FAM53A: variants seen among roughly 807,000 people sequenced by gnomAD.
FAM53A encodes the protein protein FAM53A.
FAM53A carries 28 observed loss-of-function variants against 26.6 expected under a neutral mutation model. The ratio of observed to expected loss-of-function variants is 1.05; its 90% CI spans 0.78 to 1.45. The LOEUF (loss-of-function observed/expected upper bound fraction) is 1.45, where lower values mean the gene tolerates loss of function less well. Ranked by LOEUF, FAM53A falls within the 40% of genes most tolerant of loss-of-function variation. The pLI is 0.00. For synonymous variants in FAM53A, 290 were observed against 253.1 expected (o/e 1.15, Z -1.38); for missense variants, 650 against 575.8 (o/e 1.13, Z -1.32).
chr4:1,608,343 C>T, the FAM53A span, among the ~76,000 whole-genome samples: 1 of 152,168 alleles, frequency 6.6e-6, no homozygotes, highest in Non-Finnish European at 1.5e-5. Flanking sequence ...GAGAGAGCCC[C>T]GTCCTGGGTG....
chr4:1,674,971 A>G (rs1714942190), intron 1 of FAM53A, among the ~76,000 whole-genome samples: 1 of 152,238 alleles, frequency 6.6e-6, no homozygotes, highest in South Asian at 2.1e-4. Flanking sequence ...CGGAGCTGGG[A>G]AAGCCCAGAG....
At chr4:1,611,292 G>A in the FAM53A span, among the ~76,000 whole-genome samples, 1 of 152,124 alleles carries the variant, frequency 6.6e-6, no homozygotes, top group African/African-American at 2.4e-5. Flanking sequence ...TGGGCCCTGA[G>A]AGACACCCCT....
downstream of FAM53A, among the ~76,000 whole-genome samples, chr4:1,615,779 A>C (rs898723433): frequency 2.6e-5 from 4 of 152,372 alleles, no homozygotes; most frequent in Admixed American, 1.3e-4. Context: ...TCAAGGAGGC[A>C]AATGTGCAAA....
At chr4:1,598,936 G>T in the FAM53A span, among the ~76,000 whole-genome samples, 1 of 152,256 alleles carries the variant, frequency 6.6e-6, no homozygotes, top group Non-Finnish European at 1.5e-5. Flanking sequence ...GGGTTAATAT[G>T]CCTTAAAATA....
chr4:1,619,333 C>A (rs1243320417), intron 1 of FAM53A, among the ~76,000 whole-genome samples: 1 of 152,202 alleles, frequency 6.6e-6, no homozygotes, highest in Admixed American at 6.5e-5. Flanking sequence ...CGGCCAACGA[C>A]CCGGCCTCAC....
rs1331071741 is a variant in FAM53A at position 1,659,092 on chromosome 4, C to A, written c.76-1624G>T. 6.6e-6 allele frequency among the ~76,000 whole-genome samples: 1 copy of A among 152,228 alleles called. No individual in the cohort carries two copies. The highest frequency in any genetic ancestry group is 1.9e-4 in the East Asian group (1 of 5,198). On this transcript the variant is annotated intron_variant, in intron 2 of 4. Coordinates refer to ENST00000308132, the MANE Select transcript of FAM53A (RefSeq NM_001174070.3). The surrounding 1 kb of genome is among the most constrained non-coding windows in gnomAD (Gnocchi z 5.2). ...AAGTTAAAAGTTGGGTTTGTGACCC[C>A]GAAAAAAGACAGGCCGCCTACACAC...
At chr4:1,633,869 T>C (rs1715721107) in intron 1 of FAM53A, among the ~76,000 whole-genome samples, 1 of 151,654 alleles carries the variant, frequency 6.6e-6, no homozygotes, top group African/African-American at 2.4e-5. Context: ...TCTATATCCA[T>C]AACTGCAGGA....
chr4:1,684,945 G>A (rs1715718814), upstream of FAM53A, among the ~76,000 whole-genome samples: 1 of 152,158 alleles, frequency 6.6e-6, no homozygotes, highest in African/African-American at 2.4e-5. Context: ...GACTCTTGGG[G>A]GGTCCCTAGG....
intron 4 of FAM53A, chr4:1,644,206 C>T (rs1206628500): frequency 7.2e-6 from 11 of 1,535,874 alleles, no homozygotes; most frequent in Non-Finnish European, 8.7e-7. Flanking sequence ...GGCCAGGTTT[C>T]CTTCCATTTC....
the FAM53A span, among the ~76,000 whole-genome samples, chr4:1,597,372 T>A: frequency 2.0e-5 from 3 of 151,870 alleles, no homozygotes; most frequent in Non-Finnish European, 4.4e-5. Flanking sequence ...GACTGCCCCG[T>A]GCCCCCACGT....
At chr4:1,646,335 A>T (rs1478720189) in intron 4 of FAM53A, among the ~76,000 whole-genome samples, 7 of 149,882 alleles carry the variant, frequency 4.7e-5, no homozygotes, top group Admixed American at 2.0e-4. Flanking sequence ...TCCTGACCTC[A>T]TGATCTGCCC....
chr4:1,586,383 C>T, the FAM53A span, among the ~76,000 whole-genome samples: 43 of 151,896 alleles, frequency 2.8e-4, no homozygotes, highest in African/African-American at 7.2e-4. Context: ...TTAGTAGAGA[C>T]GGGGTTTCAT....
chr4:1,599,974 A>C, the FAM53A span, among the ~76,000 whole-genome samples: 1 of 147,352 alleles, frequency 6.8e-6, no homozygotes, highest in Non-Finnish European at 1.5e-5. This position sits in a 1 kb window ranked among gnomAD's most constrained non-coding sequence, Gnocchi z 6.1. Context: ...CCTTCCCCTG[A>C]TGCAGGCCCC....
chr4:1,608,155 CAG>C, the FAM53A span, among the ~76,000 whole-genome samples: 9 of 151,796 alleles, frequency 5.9e-5, no homozygotes, highest in Non-Finnish European at 8.8e-5. Flanking sequence ...TCCCAGGACA[CAG>C]AGAACAAAAC....
At chr4:1,665,997 G>A (rs1272980789) in intron 2 of FAM53A, among the ~76,000 whole-genome samples, 63 of 90,380 alleles carry the variant, frequency 7.0e-4, no homozygotes, top group African/African-American at 2.9e-3. Context: ...TGCACCCCCT[G>A]TATCTAAAAT....
At chr4:1,629,189 G>A (rs1715498674) in intron 1 of FAM53A, among the ~76,000 whole-genome samples, 1 of 152,030 alleles carries the variant, frequency 6.6e-6, no homozygotes, top group African/African-American at 2.4e-5. Flanking sequence ...ACCCATGGTG[G>A]AGGGAGCCCC....
chr4:1,658,924 T>C (rs35569554), intron 2 of FAM53A, among the ~76,000 whole-genome samples: 42,763 of 152,242 alleles, frequency 0.28, 6,581 homozygotes, highest in Middle Eastern at 0.47. Flanking sequence ...CTCTGCTTTT[T>C]TGCCTTAGAG....
Position 1,630,398 on chromosome 4 carries a change from G to A in FAM53A, c.432-12287C>T, listed in dbSNP as rs908222065. Among the ~76,000 whole-genome samples the A allele has an allele frequency of 6.6e-6, 1 of 152,244 alleles. No homozygotes were observed. Among genetic ancestry groups the A allele is most frequent in the African/African-American group, 2.4e-5 (1 of 41,450 alleles). ...CAAGGTCTACACAAATGCACGTCGG[G>A]GAGTTCCCATCAAACTCTACGGAAA... On this transcript the variant is annotated intron_variant, in intron 1 of 1. Transcript: ENST00000489029. This position sits in a 1 kb window ranked among gnomAD's most constrained non-coding sequence, Gnocchi z 4.3.
chr4:1,679,736 C>A (rs1237961005), intron 1 of FAM53A, among the ~76,000 whole-genome samples: 32 of 147,196 alleles, frequency 2.2e-4, no homozygotes, highest in Non-Finnish European at 3.7e-4. Flanking sequence ...AAAATTGGGG[C>A]AAAGACTTTC....
Sources: gnomAD v4.1 joint callset for allele counts (sites outside exome capture counted in the v4.1 genomes callset) on GRCh38, gnomAD v4.1.1 for gene constraint, Gnocchi (gnomAD v3.1) non-coding constraint, MANE v1.5 for transcripts, NCBI Gene and HGNC (gene_info 2026-07-23, HGNC 2026-07-21) for gene names.